GRM8: variants seen among roughly 807,000 people sequenced by gnomAD.
GRM8 encodes glutamate metabotropic receptor 8, also known as metabotropic glutamate receptor 8.
Under a neutral mutation model 87.2 loss-of-function variants are expected in GRM8, and 47 were observed. The observed-to-expected ratio is 0.54, with a 90% CI of 0.43 to 0.69. The LOEUF is 0.69. Among genes scored for constraint, GRM8 ranks in the 30% least tolerant of loss-of-function variants. GRM8 has a pLI of 0.00. For synonymous variants in GRM8, 396 were observed against 404.5 expected (o/e 0.98, Z 0.25); for missense variants, 1,019 against 1,139.2 (o/e 0.89, Z 1.52).
intron 3 of GRM8, among the ~76,000 whole-genome samples, chr7:127,086,948 C>G (rs1283048245): frequency 1.3e-5 from 2 of 152,132 alleles, no homozygotes; most frequent in African/African-American, 4.8e-5. Context: ...ATATGTTGGC[C>G]CACAGGGAGG....
intron 3 of GRM8, among the ~76,000 whole-genome samples, chr7:126,914,107 A>T (rs1209627771): frequency 6.6e-6 from 1 of 152,188 alleles, no homozygotes; most frequent in African/African-American, 2.4e-5. Flanking sequence ...GTGAAACGGG[A>T]CTGCAACAGA....
intron 7 of GRM8, among the ~76,000 whole-genome samples, chr7:126,764,411 TG>T (rs1375313897): frequency 3.3e-5 from 5 of 152,092 alleles, no homozygotes; most frequent in Non-Finnish European, 5.9e-5. Flanking sequence ...TGTTTATTAT[TG>T]TCTTATTTGA....
intron 3 of GRM8, among the ~76,000 whole-genome samples, chr7:127,054,853 G>C (rs764934890): frequency 6.6e-6 from 1 of 151,788 alleles, no homozygotes; most frequent in Non-Finnish European, 1.5e-5. Flanking sequence ...AAATTTAACA[G>C]AGATAATCAT....
intron 3 of GRM8, among the ~76,000 whole-genome samples, chr7:127,069,009 G>A (rs1821412147): frequency 1.3e-5 from 2 of 152,154 alleles, no homozygotes; most frequent in Admixed American, 1.3e-4. Flanking sequence ...CTTTTGTGAA[G>A]GAAAAGTCTT....
intron 9 of GRM8, among the ~76,000 whole-genome samples, chr7:126,505,810 A>T (rs1245044606): frequency 6.6e-6 from 1 of 152,042 alleles, no homozygotes; most frequent in Non-Finnish European, 1.5e-5. Flanking sequence ...CATATCCATC[A>T]CCTAACATAT....
chr7:127,207,580 A>C (rs933718257), intron 2 of GRM8, among the ~76,000 whole-genome samples: 5 of 152,152 alleles, frequency 3.3e-5, no homozygotes, highest in Admixed American at 2.0e-4. Context: ...TGTTATTACA[A>C]TGACTATTCC....
intron 7 of GRM8, among the ~76,000 whole-genome samples, chr7:126,736,536 T>C (rs1236753112): frequency 6.6e-6 from 1 of 152,042 alleles, no homozygotes; most frequent in African/African-American, 2.4e-5. Flanking sequence ...GTTATGAGTT[T>C]ATAACTGCAA....
intron 2 of GRM8, among the ~76,000 whole-genome samples, chr7:127,225,698 T>G (rs1025741208): frequency 2.0e-5 from 3 of 148,422 alleles, no homozygotes; most frequent in South Asian, 4.2e-4. Context: ...ATATACTATA[T>G]ATTATATAGA....
chr7:126,726,855 G>T (rs1813043683), intron 7 of GRM8, among the ~76,000 whole-genome samples: 1 of 151,702 alleles, frequency 6.6e-6, no homozygotes, highest in Non-Finnish European at 1.5e-5. Flanking sequence ...GGCCACCCAA[G>T]ATTTGCTCCA....
chr7:127,164,371 T>C (rs942566424), intron 2 of GRM8, among the ~76,000 whole-genome samples: 1 of 152,098 alleles, frequency 6.6e-6, no homozygotes, highest in African/African-American at 2.4e-5. Flanking sequence ...ACAATAACAA[T>C]GGCCTACTTC....
intron 2 of GRM8, among the ~76,000 whole-genome samples, chr7:127,227,558 G>A (rs1339009648): frequency 6.6e-6 from 1 of 152,144 alleles, no homozygotes; most frequent in African/African-American, 2.4e-5. Context: ...AGGAGTAAGC[G>A]CAAACCACAA....
chr7:126,730,704 C>T (rs531009197), intron 7 of GRM8, among the ~76,000 whole-genome samples: 1 of 151,972 alleles, frequency 6.6e-6, no homozygotes, highest in African/African-American at 2.4e-5. Flanking sequence ...AACAAAACAG[C>T]AATAGTTGGT....
In GRM8 at chr7:126,439,101, T is replaced by C. The variant is rs1026611945; in HGVS notation, c.*18A>G. ...AGATCATATACCACATCTCTTCAGA[T>C]TGTGCCATTTCCCTGTTTCAGATTG... On this transcript the variant is annotated 3_prime_UTR_variant, in exon 11 of 11. Transcript: ENST00000339582. 6.1e-6 allele frequency: 9 copies of C among 1,486,650 alleles called. No homozygotes were observed. Among genetic ancestry groups the C allele is most frequent in the Non-Finnish European group, 5.6e-6 (6 of 1,064,140 alleles). 92.1% of individuals were successfully genotyped at this position (1,486,650 alleles called of 1,614,324 possible). A position where few individuals can be genotyped will look rare whatever the true frequency, so the allele number is the denominator to read the frequency against.
intron 6 of GRM8, among the ~76,000 whole-genome samples, chr7:126,798,978 C>T (rs1822320407): frequency 6.6e-6 from 1 of 152,054 alleles, no homozygotes; most frequent in South Asian, 2.1e-4. Flanking sequence ...GGAGAACACT[C>T]CAGAGCCTGG....
At chr7:126,870,525 G>C (rs1176737699) in intron 6 of GRM8, 1 of 152,110 alleles carries the variant, frequency 6.6e-6, no homozygotes, top group African/African-American at 2.4e-5. Context: ...TGAACATTTA[G>C]AGGTCATTGT....
intron 3 of GRM8, among the ~76,000 whole-genome samples, chr7:126,986,885 C>T (rs1812128743): frequency 6.6e-6 from 1 of 152,330 alleles, no homozygotes; most frequent in Admixed American, 6.5e-5. Flanking sequence ...GCACTTGCTA[C>T]ATCAGGCAAT....
At chr7:126,559,191 G>A (rs1386662787) in intron 8 of GRM8, among the ~76,000 whole-genome samples, 5 of 142,320 alleles carry the variant, frequency 3.5e-5, no homozygotes, top group Admixed American at 7.4e-5. Flanking sequence ...TTTGCTCTAC[G>A]GCCCAGGCTG....
intron 3 of GRM8, among the ~76,000 whole-genome samples, chr7:127,015,003 A>G (rs867122596): frequency 1.3e-4 from 4 of 30,568 alleles, no homozygotes; most frequent in Admixed American, 1.0e-3. Context: ...AGAAGAAGAA[A>G]GAAGAAGAAG....
At chr7:127,039,717 A>G (rs543294887) in intron 3 of GRM8, among the ~76,000 whole-genome samples, 8 of 20,848 alleles carry the variant, frequency 3.8e-4, no homozygotes, top group Non-Finnish European at 6.9e-4. Context: ...GAAGGGGAAG[A>G]GCAAGAGAGG....
Sources: gnomAD v4.1 joint callset for allele counts (sites outside exome capture counted in the v4.1 genomes callset) on GRCh38, gnomAD v4.1.1 for gene constraint, MANE v1.5 for transcripts, NCBI Gene and HGNC (gene_info 2026-07-23, HGNC 2026-07-21) for gene names.